COQ10A: variants seen among roughly 807,000 people sequenced by gnomAD.
COQ10A encodes the protein coenzyme Q10A.
In COQ10A, 25 loss-of-function variants were observed where a neutral mutation model predicts 26.1. That is an observed-to-expected ratio of 0.96 (90% CI 0.70 to 1.34). The LOEUF (loss-of-function observed/expected upper bound fraction) is 1.34, where lower values mean the gene tolerates loss of function less well. Ranked by LOEUF, COQ10A falls within the 40% of genes most tolerant of loss-of-function variation. COQ10A has a pLI of 0.00. For missense variants in COQ10A, 312 were observed against 335.4 expected (o/e 0.93, Z 0.54); for synonymous variants, 132 against 124.0 (o/e 1.06, Z -0.43).
rs2135904056 is a variant in COQ10A at position 56,267,843 on chromosome 12, G to A, written c.184G>A (p.Ala62Thr). ...CTTGCCTCGGGCTGCCCAGATCTTG[G>A]CGGCTGAGGCTGGCTTACCTTCGAG... ...LLLPRAAQIL[A>T]AEAGLPSSRS... The change falls in exon 2 of 5, where the codon GCG (alanine) becomes ACG (threonine). Residue 62 changes from alanine (A) to threonine (T), a missense_variant. Coordinates refer to ENST00000308197, the MANE Select transcript of COQ10A (RefSeq NM_144576.4). 3.7e-6 allele frequency: 6 copies of A among 1,614,202 alleles called. No homozygotes were observed. In the Middle Eastern group the frequency reaches 4.9e-4, roughly 133 times the overall value.
At position 56,267,089 on chromosome 12, in the gene COQ10A, G is replaced by T; in HGVS notation, c.-30G>T. ...AGTGAGGAGGGCGCAGCCCGCGTCA[G>T]AACTTAGAGGGCCAGGCAGGGTCGC... is the stretch of plus-strand genomic sequence containing the variant. On this transcript the variant is annotated 5_prime_UTR_variant, in exon 1 of 5. Coordinates refer to ENST00000308197, the MANE Select transcript of COQ10A (RefSeq NM_144576.4). The T allele has an allele frequency of 7.9e-7, 1 of 1,269,842 alleles. No homozygotes were observed. The highest frequency in any genetic ancestry group is 9.9e-7 in the Non-Finnish European group (1 of 1,010,846). The allele number at this position is 1,269,842 out of a possible 1,614,324, so 78.7% of individuals were successfully genotyped here. A position where few individuals can be genotyped will look rare whatever the true frequency, so the allele number is the denominator to read the frequency against.
chr12:56,267,452 C>T (rs1359556190), intron 1 of COQ10A, 200 bp downstream of exon 1: 29 of 1,613,786 alleles, frequency 1.8e-5, no homozygotes, highest in Non-Finnish European at 2.4e-5. Context: ...CCAACCTCTT[C>T]TTGGCCCTCG....
At chr12:56,267,703 CG>C in intron 1 of COQ10A, 90 bp from the exon 2 acceptor site, 1 of 1,554,152 alleles carries the variant, frequency 6.4e-7, no homozygotes, top group Non-Finnish European at 8.9e-7. Flanking sequence ...GGACGACCTT[CG>C]TCTGGGATGC....
intron 2 of COQ10A, 143 bp downstream of exon 2, chr12:56,268,083 C>T: frequency 9.8e-7 from 1 of 1,022,092 alleles, no homozygotes; most frequent in Non-Finnish European, 1.4e-6. Flanking sequence ...ATCCTCAGTC[C>T]TCCCCTGCCA....
chr12:56,266,972 A>T lies in COQ10A; in HGVS notation c.-147A>T, dbSNP rs1057431775. 65 of 806,956 alleles carry T rather than the reference A, an allele frequency of 8.1e-5. No individual in the cohort carries two copies. Among genetic ancestry groups the T allele is most frequent in the Non-Finnish European group, 9.3e-5 (57 of 613,576 alleles). 50.0% of individuals were successfully genotyped at this position (806,956 alleles called of 1,614,324 possible). ...TAGCCTACCCGGCAGCCTGGACGGG[A>T]GCAAGGCGAGAGGTGCTGCCGCCTC... On this transcript the variant is annotated 5_prime_UTR_variant, in exon 1 of 5. Transcript: ENST00000308197.
At chr12:56,270,066 C>T in intron 4 of COQ10A, 84 bp from the exon 5 acceptor site, 1 of 1,376,258 alleles carries the variant, frequency 7.3e-7, no homozygotes, top group South Asian at 1.3e-5. Flanking sequence ...GGAGAAAAGG[C>T]ACTGAGGAAC....
chr12:56,267,601 G>A, intron 1 of COQ10A, 193 bp from the exon 2 acceptor site: 1 of 1,146,442 alleles, frequency 8.7e-7, no homozygotes, highest in Non-Finnish European at 1.3e-6. Flanking sequence ...CCCCAGCCCT[G>A]TCCTTAGCTG....
intron 1 of COQ10A, 31 bp from the exon 2 acceptor site, chr12:56,267,763 T>A (rs769762121): frequency 6.2e-7 from 1 of 1,614,010 alleles, no homozygotes; most frequent in Non-Finnish European, 8.5e-7. Context: ...CGAAGAACTA[T>A]ACGGTTGGCT....
At position 56,267,000 on chromosome 12, in the gene COQ10A, G is replaced by A. The variant is rs568982515; in HGVS notation, c.-119G>A. 357 of 1,062,646 alleles carry A rather than the reference G, an allele frequency of 3.4e-4. No individual in the cohort carries two copies. The highest frequency in any genetic ancestry group is 4.1e-4 in the Non-Finnish European group (344 of 845,944). 65.8% of individuals were successfully genotyped at this position (1,062,646 alleles called of 1,614,324 possible). Reference sequence around the variant, plus strand: ...AAGGCGAGAGGTGCTGCCGCCTCCCGTCGCCCCTGCGCTCAGAGGTCCCGA... The same window carrying A: ...AAGGCGAGAGGTGCTGCCGCCTCCCATCGCCCCTGCGCTCAGAGGTCCCGA... On this transcript the variant is annotated 5_prime_UTR_variant, in exon 1 of 5. Transcript: ENST00000308197.
At position 56,270,464 on chromosome 12, in the gene COQ10A, T is replaced by C; in HGVS notation, c.*147T>C. 1 of 842,156 alleles carries C rather than the reference T, an allele frequency of 1.2e-6. No individual in the cohort carries two copies. Among genetic ancestry groups the C allele is most frequent in the Non-Finnish European group, 1.8e-6 (1 of 553,786 alleles). The allele number at this position is 842,156 out of a possible 1,614,324, so 52.2% of individuals were successfully genotyped here. On this transcript the variant is annotated 3_prime_UTR_variant, in exon 5 of 5. Coordinates refer to ENST00000308197, the MANE Select transcript of COQ10A (RefSeq NM_144576.4). Reference sequence around the variant, plus strand: ...TCAATTTCCCAGAAATTGGGTTCTATGCTGGCTGGAAATGTTGGGGGAAAG... The same window carrying C: ...TCAATTTCCCAGAAATTGGGTTCTACGCTGGCTGGAAATGTTGGGGGAAAG...
At position 56,269,218 on chromosome 12, in the gene COQ10A, T is replaced by A; in HGVS notation, c.441T>A (p.Ser147=). The part of the protein sequence containing the change: ...GFPPVMERYT[S]AVSMVKPHMV... Reference sequence around the variant, plus strand: ...CACCTGTCATGGAACGTTACACCTCTGCAGTTTCCATGGTCAAACCTCACA... The same window carrying A: ...CACCTGTCATGGAACGTTACACCTCAGCAGTTTCCATGGTCAAACCTCACA... Residue 147 remains serine (S), a synonymous_variant, in exon 3 of 5, where the codon TCT becomes TCA. Coordinates refer to ENST00000308197, the MANE Select transcript of COQ10A (RefSeq NM_144576.4). 1 of 1,614,194 alleles carries A rather than the reference T, an allele frequency of 6.2e-7. No individual in the cohort carries two copies. Among genetic ancestry groups the A allele is most frequent in the East Asian group, 2.2e-5 (1 of 44,890 alleles).
intron 1 of COQ10A, chr12:56,267,567 T>C: frequency 1.7e-6 from 2 of 1,190,274 alleles, no homozygotes; most frequent in Non-Finnish European, 2.5e-6. Flanking sequence ...CACACACCCC[T>C]TTTTCTCATC....
intron 4 of COQ10A, chr12:56,269,886 CAA>C: frequency 1.9e-6 from 1 of 533,838 alleles, no homozygotes; most frequent in Non-Finnish European, 3.3e-6. Context: ...CTTGGCCTCC[CAA>C]AGTGCTGGGA....
Position 56,267,835 on chromosome 12 carries a change from A to G in COQ10A, c.176A>G (p.Gln59Arg), listed in dbSNP as rs367591309. The G allele has an allele frequency of 6.2e-7, 1 of 1,614,184 alleles. No individual in the cohort carries two copies. Among genetic ancestry groups the G allele is most frequent in the Non-Finnish European group, 8.5e-7 (1 of 1,180,032 alleles). The change falls in exon 2 of 5, where the codon CAG becomes CGG. Residue 59 changes from glutamine to arginine, a missense_variant. By Grantham distance (43) the Gln-to-Arg change is conservative (BLOSUM62 1). Coordinates refer to ENST00000308197, the MANE Select transcript of COQ10A (RefSeq NM_144576.4). ...AGCCTCCTCTTGCCTCGGGCTGCCC[A>G]GATCTTGGCGGCTGAGGCTGGCTTA... ...SCSLLLPRAA[Q>R]ILAAEAGLPS...
chr12:56,267,400 T>C, intron 1 of COQ10A, 148 bp downstream of exon 1: 1 of 1,613,820 alleles, frequency 6.2e-7, no homozygotes. Flanking sequence ...TGGATAATGC[T>C]TTTGCAAGTT....
At chr12:56,269,405 A>G (rs868800210) in intron 3 of COQ10A, 55 bp from the exon 4 acceptor site, 1 of 1,492,662 alleles carries the variant, frequency 6.7e-7, no homozygotes, top group Non-Finnish European at 9.3e-7. Flanking sequence ...CAATTCCTTT[A>G]TATTGTATCC....
rs952892756 is a variant in COQ10A, at chr12:56,270,581, T to C, written c.*264T>C. On this transcript the variant is annotated 3_prime_UTR_variant, in exon 5 of 5. Transcript: ENST00000308197. ...ATGCCTGCAGCCTTTTCACTACGAA[T>C]TAGAATAAGGACTATGTGGTTGTCT... 4.8e-6 allele frequency: 2 copies of C among 412,692 alleles called. No homozygotes were observed. Among genetic ancestry groups the C allele is most frequent in the South Asian group, 7.2e-5 (2 of 27,732 alleles). 25.6% of individuals were successfully genotyped at this position (412,692 alleles called of 1,614,324 possible).
chr12:56,267,924 G>A lies in COQ10A; in HGVS notation c.265G>A (p.Glu89Lys). 1 of 1,614,126 alleles carries A rather than the reference G, an allele frequency of 6.2e-7. No homozygotes were observed. The highest frequency in any genetic ancestry group is 8.5e-7 in the Non-Finnish European group (1 of 1,180,026). Reference protein sequence around the residue: ...PFTNKRKAYSERRIMGYSMQE... With the variant: ...PFTNKRKAYSKRRIMGYSMQE... ...CACCAACAAGCGAAAGGCTTACTCG[G>A]AGCGTAGAATCATGGGGTAAGCATT... Residue 89 changes from glutamate to lysine, a missense_variant, in exon 2 of 5, where the codon GAG becomes AAG. Transcript: ENST00000308197.
Position 56,269,046 on chromosome 12 carries a change from C to T in COQ10A, c.282-13C>T, listed in dbSNP as rs1379447063. On this transcript the variant is annotated splice_polypyrimidine_tract_variant and intron_variant, in intron 2 of 4. Transcript: ENST00000308197. ...GCTGGCAGCTCCTTGGCCTGTGATT[C>T]TTCTTCTCCTAGGTACTCAATGCAG... The T allele has an allele frequency of 6.2e-7, 1 of 1,610,014 alleles. No individual in the cohort carries two copies. The highest frequency in any genetic ancestry group is 1.7e-5 in the Admixed American group (1 of 59,974).
Sources: allele counts gnomAD v4.1 joint callset, GRCh38; gene constraint gnomAD v4.1.1; transcripts MANE v1.5; gene names NCBI Gene and HGNC (gene_info 2026-07-23, HGNC 2026-07-21).